The following NDUFS3 variants were observed in gnomAD, a reference collection of about 807,000 sequenced individuals.
The protein encoded by NDUFS3 is NADH dehydrogenase [ubiquinone] iron-sulfur protein 3, mitochondrial.
Under a neutral mutation model 30.8 loss-of-function variants are expected in NDUFS3, and 19 were observed. The ratio of observed to expected loss-of-function variants is 0.62; its 90% CI spans 0.43 to 0.91. The LOEUF (loss-of-function observed/expected upper bound fraction) is 0.91, where lower values mean the gene tolerates loss of function less well. NDUFS3 is among the 40% of genes least tolerant of loss of function. The probability of loss-of-function intolerance (pLI) is 0.00; values close to 1 mark genes in which losing one functional copy is unlikely to be tolerated. For synonymous variants in NDUFS3, 153 were observed against 135.8 expected, an observed-to-expected ratio of 1.13 and a Z score of -0.88; for missense variants, 331 against 342.0, an observed-to-expected ratio of 0.97 and a Z score of 0.25.
chr11:47,581,896 G>A (rs1257206099), intron 4 of NDUFS3, 192 bp from the exon 5 acceptor site: 3 of 716,600 alleles, frequency 4.2e-6, no homozygotes, highest in African/African-American at 3.5e-5. Context: ...TCCTGACAAA[G>A]TGAATAGCAT....
intron 2 of NDUFS3, 36 bp downstream of exon 2, chr11:47,579,370 T>C (rs1354481530): frequency 3.1e-6 from 5 of 1,611,594 alleles, no homozygotes; most frequent in East Asian, 2.2e-5. Context: ...CTCTGAACTA[T>C]CGGCGGGGCC....
intron 6 of NDUFS3, 150 bp downstream of exon 6, chr11:47,582,618 C>T: frequency 7.9e-7 from 1 of 1,272,898 alleles, no homozygotes; most frequent in Non-Finnish European, 1.1e-6. Context: ...ATTTTTGTAA[C>T]CTGGGGCAAG....
At chr11:47,584,277 C>T (rs1210593320) in intron 6 of NDUFS3, 37 bp from the exon 7 acceptor site, 5 of 1,613,298 alleles carry the variant, frequency 3.1e-6, no homozygotes, top group Non-Finnish European at 4.2e-6. Context: ...ATAATAAGGA[C>T]TTCCTTAGTG....
chr11:47,580,804 G>C lies in NDUFS3; in HGVS notation c.232-31G>C, dbSNP rs752935061. 3.1e-6 allele frequency: 5 copies of C among 1,614,124 alleles called. No individual in the cohort carries two copies. In the East Asian group the frequency reaches 1.1e-4, roughly 36 times the overall value. The stretch of plus-strand genomic sequence containing the variant: ...TTAGCTGTTCCCTCAGTAGCTCTTT[G>C]TTCCCTCTCCCCTCACTTTCATGTG... On this transcript the variant is annotated intron_variant, in intron 3 of 6. Transcript: ENST00000263774.
intron 2 of NDUFS3, among the ~76,000 whole-genome samples, chr11:47,580,018 C>CACAT (rs1565940956): frequency 1.6e-5 from 2 of 125,046 alleles, no homozygotes; most frequent in Non-Finnish European, 3.3e-5. Flanking sequence ...CACACACACA[C>CACAT]ACACACACAC....
At position 47,579,265 on chromosome 11, in the gene NDUFS3, G is replaced by C; in HGVS notation, c.68-4G>C. The C allele has an allele frequency of 6.2e-7, 1 of 1,614,164 alleles. No homozygotes were observed. Among genetic ancestry groups the C allele is most frequent in the South Asian group, 1.1e-5 (1 of 91,084 alleles). On this transcript the variant is annotated splice_region_variant and splice_polypyrimidine_tract_variant and intron_variant, in intron 1 of 6. Coordinates refer to ENST00000263774, the MANE Select transcript of NDUFS3 (RefSeq NM_004551.3). ...GCGTCTGTGCCTTTTATCTCCCTGT[G>C]CAGGGACTGGGCGACCCTCCGTTCT...
At position 47,581,004 on chromosome 11, in the gene NDUFS3, A is replaced by G. The variant is rs374820404; in HGVS notation, c.381+20A>G. The stretch of plus-strand genomic sequence containing the variant: ...TTTGAGGTCAGTTGGGAGATCTGAG[A>G]AGGTTTTGGGGGTAAGGATATTAAT... On this transcript the variant is annotated intron_variant, in intron 4 of 6. Transcript: ENST00000263774. 2 of 1,614,084 alleles carry G rather than the reference A, an allele frequency of 1.2e-6. No individual in the cohort carries two copies. Among genetic ancestry groups the G allele is most frequent in the Non-Finnish European group, 8.5e-7 (1 of 1,180,016 alleles).
intron 3 of NDUFS3, 94 bp downstream of exon 3, chr11:47,580,716 A>G (rs2097268246): frequency 6.3e-7 from 1 of 1,583,842 alleles, no homozygotes; most frequent in African/African-American, 1.3e-5. Context: ...AAGAAACTAC[A>G]GATTCCTCCA....
At chr11:47,582,523 AG>A in intron 6 of NDUFS3, 55 bp downstream of exon 6, 2 of 1,612,744 alleles carry the variant, frequency 1.2e-6, no homozygotes, top group South Asian at 2.2e-5. Flanking sequence ...CAGAGAACCC[AG>A]GGGATCCCTG....
At chr11:47,582,052 C>T (rs765604543) in intron 4 of NDUFS3, 36 bp from the exon 5 acceptor site, 2 of 1,612,282 alleles carry the variant, frequency 1.2e-6, no homozygotes, top group Admixed American at 1.7e-5. Context: ...TCAGGGACTC[C>T]CATCTCAGCC....
chr11:47,580,722 C>T (rs747889408), intron 3 of NDUFS3, 100 bp downstream of exon 3: 2 of 1,586,194 alleles, frequency 1.3e-6, no homozygotes, highest in Non-Finnish European at 1.7e-6. Flanking sequence ...CTACAGATTC[C>T]TCCATCCCAA....
intron 2 of NDUFS3, chr11:47,579,781 G>T (rs530900271): frequency 4.2e-4 from 108 of 254,410 alleles, no homozygotes; most frequent in African/African-American, 2.2e-3. Context: ...AACTGCCCAG[G>T]GTCAAAGACC....
intron 6 of NDUFS3, 131 bp downstream of exon 6, chr11:47,582,599 C>G (rs2097269282): frequency 2.1e-6 from 3 of 1,439,420 alleles, no homozygotes; most frequent in Non-Finnish European, 2.9e-6. Flanking sequence ...GGATTCAGAT[C>G]CTAGCTTCAT....
Position 47,579,256 on chromosome 11 carries a change from T to C in NDUFS3, c.68-13T>C. On this transcript the variant is annotated splice_polypyrimidine_tract_variant and intron_variant, in intron 1 of 6. Transcript: ENST00000263774. The stretch of plus-strand genomic sequence containing the variant: ...TCATCCCGCGCGTCTGTGCCTTTTA[T>C]CTCCCTGTGCAGGGACTGGGCGACC... The C allele has an allele frequency of 1.9e-6, 3 of 1,614,180 alleles. No individual in the cohort carries two copies. Among genetic ancestry groups the C allele is most frequent in the African/African-American group, 2.7e-5 (2 of 75,062 alleles).
rs1565943654 is a variant in NDUFS3 at position 47,584,536 on chromosome 11, G to A, written c.*55G>A. On this transcript the variant is annotated 3_prime_UTR_variant, in exon 7 of 7. Coordinates refer to ENST00000263774, the MANE Select transcript of NDUFS3 (RefSeq NM_004551.3). ...GCGCCTTATCTATGATTGAGTGTCCGTGTAAATAAATTCCTACTTAGACTT... is the reference window on the plus strand; with the variant it reads ...GCGCCTTATCTATGATTGAGTGTCCATGTAAATAAATTCCTACTTAGACTT... 9 of 1,597,640 alleles carry A rather than the reference G, an allele frequency of 5.6e-6. No homozygotes were observed. The highest frequency in any genetic ancestry group is 2.2e-5 in the South Asian group (2 of 90,660).
chr11:47,582,089 T>TTGTCTACAACCTGTTGTCTCTGCGC lies in NDUFS3; in HGVS notation c.385_409dup (p.Phe137CysfsTer21). 6.2e-7 allele frequency: 1 copy of TTGTCTACAACCTGTTGTCTCTGCGC among 1,613,816 alleles called. No homozygotes were observed. The highest frequency in any genetic ancestry group is 1.1e-5 in the South Asian group (1 of 91,060). On this transcript the variant is annotated frameshift_variant and splice_region_variant, in exon 5 of 7. Transcript: ENST00000263774. LOFTEE classifies it high-confidence loss of function. ...TCCAGATCCTTCTGTTCTCCCTAGATTGTCTACAACCTGTTGTCTCTGCGC... is the reference window on the plus strand; with the variant it reads ...TCCAGATCCTTCTGTTCTCCCTAGATTGTCTACAACCTGTTGTCTCTGCGCTGTCTACAACCTGTTGTCTCTGCGC...
chr11:47,581,033 A>T, intron 4 of NDUFS3, 49 bp downstream of exon 4: 1 of 1,607,630 alleles, frequency 6.2e-7, no homozygotes, highest in South Asian at 1.1e-5. Flanking sequence ...TATTAATTTC[A>T]GTTTGTAACA....
chr11:47,579,187 G>T, intron 1 of NDUFS3, 29 bp downstream of exon 1: 1 of 1,613,384 alleles, frequency 6.2e-7, no homozygotes, highest in Non-Finnish European at 8.5e-7. Flanking sequence ...CTGAGACCGG[G>T]GTCAGGCGCA....
intron 1 of NDUFS3, 29 bp downstream of exon 1, chr11:47,579,187 G>A: frequency 6.2e-7 from 1 of 1,613,384 alleles, no homozygotes; most frequent in East Asian, 2.2e-5. Context: ...CTGAGACCGG[G>A]GTCAGGCGCA....
Sources: gnomAD v4.1 joint callset for allele counts (sites outside exome capture counted in the v4.1 genomes callset) on GRCh38, gnomAD v4.1.1 for gene constraint, MANE v1.5 for transcripts, NCBI Gene and HGNC (gene_info 2026-07-23, HGNC 2026-07-21) for gene names.